Variants in BRI3BP observed in about 807,000 individuals in gnomAD.
BRI3BP encodes the protein BRI3 binding protein.
In BRI3BP, 7 loss-of-function variants were observed where a neutral mutation model predicts 15.8. The observed-to-expected ratio is 0.44, with a 90% CI of 0.25 to 0.83. BRI3BP has a LOEUF of 0.83. BRI3BP is among the 40% of genes least tolerant of loss of function. The pLI is 0.20. For synonymous variants in BRI3BP, 192 were observed against 163.5 expected (o/e 1.17, Z -1.33); for missense variants, 320 against 339.3 (o/e 0.94, Z 0.45).
At chr12:125,031,574 ATTTTTTTTTTTTTTTTT>A (rs367625363), downstream of BRI3BP, among the ~76,000 whole-genome samples, 4 of 84,200 alleles carry the variant, frequency 4.8e-5, no homozygotes, top group African/African-American at 2.1e-4. Flanking sequence ...TTTTCTTTCT[ATTTTTTTTTTTTTTTTT>A]TTTTTTTTTT....
intron 2 of BRI3BP, among the ~76,000 whole-genome samples, chr12:125,018,591 G>A (rs923485994): frequency 1.3e-5 from 2 of 151,972 alleles, no homozygotes; most frequent in African/African-American, 4.8e-5. Context: ...ATTCACCCTC[G>A]AGCCTCTGGA....
intron 2 of BRI3BP, among the ~76,000 whole-genome samples, chr12:125,021,777 T>TC (rs1955301140): frequency 6.6e-6 from 1 of 152,054 alleles, no homozygotes; most frequent in Non-Finnish European, 1.5e-5. Context: ...ACTCACTCAC[T>TC]TTCATGAGAA....
At chr12:125,037,490 C>T in the BRI3BP span, among the ~76,000 whole-genome samples, 1 of 152,122 alleles carries the variant, frequency 6.6e-6, no homozygotes, top group South Asian at 2.1e-4. Context: ...TCCCATCTGT[C>T]AGGAAATTAT....
Position 124,993,704 on chromosome 12 carries a change from G to T in BRI3BP, c.-87G>T. 1 of 756,148 alleles carries T rather than the reference G, an allele frequency of 1.3e-6. No individual in the cohort carries two copies. The highest frequency in any genetic ancestry group is 1.9e-5 in the African/African-American group (1 of 51,928). The allele number at this position is 756,148 out of a possible 1,614,324, so 46.8% of individuals were successfully genotyped here. A position where few individuals can be genotyped will look rare whatever the true frequency, so the allele number is the denominator to read the frequency against. ...AAGGCGCGGCGCGCGGCCCCCGAGC[G>T]CGCCAACCTTGCCCTAGCCGGAGCC... On this transcript the variant is annotated 5_prime_UTR_variant, in exon 1 of 3. Coordinates refer to ENST00000341446, the MANE Select transcript of BRI3BP (RefSeq NM_080626.6).
rs768356834 is a variant in BRI3BP, at chr12:124,993,946, C to T, written c.156C>T (p.Thr52=). The T allele has an allele frequency of 1.8e-5, 25 of 1,371,900 alleles. No individual in the cohort carries two copies. Among genetic ancestry groups the T allele is most frequent in the African/African-American group, 3.0e-5 (2 of 65,742 alleles). 85.0% of individuals were successfully genotyped at this position (1,371,900 alleles called of 1,614,324 possible). A position where few individuals can be genotyped will look rare whatever the true frequency, so the allele number is the denominator to read the frequency against. Residue 52 remains threonine, a synonymous_variant, in exon 1 of 3, where the codon ACC becomes ACT. Transcript: ENST00000341446. ...ACAGCTACCGCCGCACGGTCAACAC[C>T]TTCTCCCAGAGCGTCAGCAGCCTGT... The part of the protein sequence containing the change: ...EKNSYRRTVN[T]FSQSVSSLFG...
the BRI3BP span, among the ~76,000 whole-genome samples, chr12:125,045,652 C>T: frequency 6.6e-6 from 1 of 152,144 alleles, no homozygotes; most frequent in African/African-American, 2.4e-5. Context: ...TGTTTTCTCC[C>T]TCAGTGCCTC....
At chr12:125,036,528 C>T in the BRI3BP span, among the ~76,000 whole-genome samples, 1 of 152,026 alleles carries the variant, frequency 6.6e-6, no homozygotes, top group Non-Finnish European at 1.5e-5. Context: ...CAAATATGAT[C>T]TAAATATATC....
intron 2 of BRI3BP, among the ~76,000 whole-genome samples, chr12:125,019,648 TTTTTTTTTTGCC>T (rs1434118729): frequency 7.1e-5 from 2 of 27,976 alleles, no homozygotes; most frequent in Non-Finnish European, 1.2e-4. Flanking sequence ...TTTTTTTTTT[TTTTTTTTTTGCC>T]TTTTTTGCTG....
chr12:125,001,612 G>A (rs1442426430), intron 1 of BRI3BP, among the ~76,000 whole-genome samples: 1 of 152,122 alleles, frequency 6.6e-6, no homozygotes, highest in African/African-American at 2.4e-5. Context: ...CTGGGCTCAT[G>A]CGATCCTCCC....
At chr12:125,003,896 T>G (rs924317071) in intron 1 of BRI3BP, among the ~76,000 whole-genome samples, 1 of 151,238 alleles carries the variant, frequency 6.6e-6, no homozygotes, top group Admixed American at 6.6e-5. Context: ...GAGGTTGCAG[T>G]GAACCAAGAT....
At chr12:124,994,251 C>T (rs905968851) in intron 1 of BRI3BP, among the ~76,000 whole-genome samples, 1 of 152,014 alleles carries the variant, frequency 6.6e-6, no homozygotes, top group Non-Finnish European at 1.5e-5. Context: ...GACCTTGCCT[C>T]CGCGGTCGGC....
chr12:125,036,671 G>C, the BRI3BP span, among the ~76,000 whole-genome samples: 2 of 152,196 alleles, frequency 1.3e-5, no homozygotes, highest in African/African-American at 2.4e-5. Context: ...CGGTGCTACA[G>C]AATGAATGTG....
At chr12:125,050,727 G>A in the BRI3BP span, among the ~76,000 whole-genome samples, 3 of 152,246 alleles carry the variant, frequency 2.0e-5, no homozygotes, top group African/African-American at 7.2e-5. Context: ...ATGGAGTGGA[G>A]AATGTGGGTG....
chr12:125,008,488 A>C (rs549924421), intron 1 of BRI3BP, among the ~76,000 whole-genome samples: 1 of 150,908 alleles, frequency 6.6e-6, no homozygotes, highest in Admixed American at 6.6e-5. Context: ...AATTTTTTGT[A>C]TTTTTAGTAG....
At chr12:125,037,874 C>T in the BRI3BP span, among the ~76,000 whole-genome samples, 2 of 151,522 alleles carry the variant, frequency 1.3e-5, no homozygotes, top group African/African-American at 4.8e-5. Flanking sequence ...GTGTGTTGAG[C>T]ATGCATTTAT....
chr12:125,024,045 T>A (rs1056045035), intron 2 of BRI3BP, among the ~76,000 whole-genome samples: 7 of 152,022 alleles, frequency 4.6e-5, no homozygotes, highest in Non-Finnish European at 1.0e-4. Context: ...CACTCCAACC[T>A]CAAAAACACA....
At chr12:125,002,355 G>A (rs548518834) in intron 1 of BRI3BP, among the ~76,000 whole-genome samples, 20 of 151,974 alleles carry the variant, frequency 1.3e-4, no homozygotes, top group South Asian at 6.2e-4. Flanking sequence ...CCACATCCTT[G>A]TCAGCACTTG....
At chr12:125,035,607 G>A (rs1196133240), downstream of BRI3BP, among the ~76,000 whole-genome samples, 1 of 151,850 alleles carries the variant, frequency 6.6e-6, no homozygotes, top group Non-Finnish European at 1.5e-5. Flanking sequence ...TGCCTAGGCT[G>A]GTCTTCAACT....
Position 124,996,847 on chromosome 12 carries a change from C to T in BRI3BP, c.213+2844C>T, listed in dbSNP as rs182202193. Among the ~76,000 whole-genome samples the T allele has an allele frequency of 6.7e-4, 101 of 151,020 alleles. 1 individual carries two copies. The East Asian group carries it at 0.011, about 17-fold the overall frequency. On this transcript the variant is annotated intron_variant, in intron 1 of 2. Transcript: ENST00000341446. ...AGTCTTGGCTCATGGCAACCTCTGC[C>T]GCCCAGGTTCAAACAATTCTCCTGC... is the stretch of plus-strand genomic sequence containing the variant.
Sources: allele counts gnomAD v4.1 joint callset (sites outside exome capture counted in the v4.1 genomes callset), GRCh38; gene constraint gnomAD v4.1.1; transcripts MANE v1.5; gene names NCBI Gene and HGNC (gene_info 2026-07-23, HGNC 2026-07-21).